MAGI2: variants seen among roughly 807,000 people sequenced by gnomAD.
MAGI2 encodes the protein membrane-associated guanylate kinase, WW and PDZ domain-containing protein 2.
MAGI2 carries 35 observed loss-of-function variants against 133.3 expected under a neutral mutation model. The ratio of observed to expected loss-of-function variants is 0.26; its 90% confidence interval spans 0.20 to 0.35. The LOEUF is 0.35. Among genes scored for constraint, MAGI2 ranks in the 10% least tolerant of loss-of-function variants. The probability of loss-of-function intolerance (pLI) is 1.00; values close to 1 mark genes in which losing one functional copy is unlikely to be tolerated. For synonymous variants in MAGI2, 729 were observed against 710.6 expected, an observed-to-expected ratio of 1.03 and a Z score of -0.41; for missense variants, 1,636 against 1,863.4, an observed-to-expected ratio of 0.88 and a Z score of 2.25.
At chr7:78,255,868 G>T in intron 10 of MAGI2, 75 bp downstream of exon 10, 1 of 1,401,202 alleles carries the variant, frequency 7.1e-7, no homozygotes, top group Non-Finnish European at 9.9e-7. Context: ...AAGGAAATCT[G>T]CATTTTAACA....
At chr7:78,316,889 T>C (rs1025706120) in intron 9 of MAGI2, among the ~76,000 whole-genome samples, 1 of 152,190 alleles carries the variant, frequency 6.6e-6, no homozygotes, top group Admixed American at 6.5e-5. Flanking sequence ...GCCAAGTGTT[T>C]TTTTCTCTTT....
chr7:79,434,928 T>A (rs1018946411), intron 1 of MAGI2, among the ~76,000 whole-genome samples: 18 of 152,162 alleles, frequency 1.2e-4, no homozygotes, highest in African/African-American at 4.3e-4. Context: ...ATGACCTACT[T>A]CAAAAAAGGG....
At chr7:78,059,776 TA>T (rs201385756) in intron 21 of MAGI2, among the ~76,000 whole-genome samples, 97 of 71,194 alleles carry the variant, frequency 1.4e-3, no homozygotes, top group African/African-American at 5.3e-3. Context: ...TATATATATA[TA>T]TTTTTTTTCT....
rs1486837907 is a variant in MAGI2, at chr7:78,017,991, G to A, written c.*1324C>T. On this transcript the variant is annotated 3_prime_UTR_variant, in exon 22 of 22. Coordinates refer to ENST00000354212, the MANE Select transcript of MAGI2 (RefSeq NM_012301.4). Reference sequence around the variant, plus strand: ...CTTTTAATATGTGTAGCTACAGTAAGTACCAATGGCTAATTAATTGAAGCT... The same window carrying A: ...CTTTTAATATGTGTAGCTACAGTAAATACCAATGGCTAATTAATTGAAGCT... 1 of 152,194 alleles carries A rather than the reference G, an allele frequency of 6.6e-6. No individual in the cohort carries two copies. Among genetic ancestry groups the A allele is most frequent in the East Asian group, 1.9e-4 (1 of 5,198 alleles). The allele number at this position is 152,194 out of a possible 1,614,324, so 9.4% of individuals were successfully genotyped here. A position where few individuals can be genotyped will look rare whatever the true frequency, so the allele number is the denominator to read the frequency against.
intron 2 of MAGI2, among the ~76,000 whole-genome samples, chr7:78,727,321 C>T (rs929124617): frequency 6.6e-6 from 1 of 152,174 alleles, no homozygotes; most frequent in Admixed American, 6.5e-5. Flanking sequence ...TCTTATGTTG[C>T]AGCAATTACC....
chr7:78,341,625 A>C (rs926191222), intron 9 of MAGI2, among the ~76,000 whole-genome samples: 3 of 151,650 alleles, frequency 2.0e-5, no homozygotes, highest in Non-Finnish European at 4.4e-5. Flanking sequence ...AGGCCAATGG[A>C]ACAGAACAGA....
chr7:78,292,358 T>C (rs937354997), intron 9 of MAGI2, among the ~76,000 whole-genome samples: 3 of 152,106 alleles, frequency 2.0e-5, no homozygotes, highest in African/African-American at 4.8e-5. Flanking sequence ...ATAAAATACC[T>C]AGGAATCCAA....
chr7:78,274,410 AG>A (rs1199648954), intron 9 of MAGI2, among the ~76,000 whole-genome samples: 1 of 152,164 alleles, frequency 6.6e-6, no homozygotes, highest in African/African-American at 2.4e-5. Context: ...CAGGATACAC[AG>A]GGGTCAGGGA....
At chr7:78,343,198 C>T (rs1790570849) in intron 9 of MAGI2, among the ~76,000 whole-genome samples, 1 of 152,078 alleles carries the variant, frequency 6.6e-6, no homozygotes, top group Admixed American at 6.6e-5. Context: ...TAGCAATTTG[C>T]CTCTGTATTT....
intron 6 of MAGI2, among the ~76,000 whole-genome samples, chr7:78,467,773 G>A (rs575659491): frequency 7.9e-5 from 12 of 152,150 alleles, no homozygotes; most frequent in African/African-American, 2.9e-4. Context: ...ATTTTTAATA[G>A]CAGAACATTA....
At chr7:79,250,917 AC>A (rs1417571799) in intron 1 of MAGI2, among the ~76,000 whole-genome samples, 5 of 152,160 alleles carry the variant, frequency 3.3e-5, no homozygotes, top group Admixed American at 2.0e-4. Context: ...ACAATAGAGA[AC>A]CCAGAAACAA....
At chr7:78,846,166 G>A (rs1476191777) in intron 2 of MAGI2, among the ~76,000 whole-genome samples, 3 of 151,710 alleles carry the variant, frequency 2.0e-5, no homozygotes, top group East Asian at 3.9e-4. Flanking sequence ...ACATGGGGAA[G>A]TAATGTCAAT....
chr7:78,159,312 A>G (rs62461237), intron 16 of MAGI2, among the ~76,000 whole-genome samples: 20,814 of 152,042 alleles, frequency 0.14, 1,487 homozygotes, highest in East Asian at 0.17. Flanking sequence ...TTCTGACTAT[A>G]TCTCATGCTT....
intron 1 of MAGI2, among the ~76,000 whole-genome samples, chr7:79,405,071 C>T (rs555266515): frequency 2.0e-5 from 3 of 152,068 alleles, no homozygotes; most frequent in Admixed American, 6.6e-5. Context: ...GGTCATATTC[C>T]AGCATGAATC....
Position 79,453,506 on chromosome 7 carries a change from A to C in MAGI2, c.-186T>G, listed in dbSNP as rs558830097. ...GTGGACGAGGAATGGGGAGGATGAG[A>C]GGGACGGCTGGGCAGAGGTAGGAGA... On this transcript the variant is annotated 5_prime_UTR_variant, in exon 1 of 22. Transcript: ENST00000354212. 5.7e-6 allele frequency: 8 copies of C among 1,402,328 alleles called. No individual in the cohort carries two copies. In the African/African-American group the frequency reaches 8.7e-5, roughly 15 times the overall value. The allele number at this position is 1,402,328 out of a possible 1,614,324, so 86.9% of individuals were successfully genotyped here. A position where few individuals can be genotyped will look rare whatever the true frequency, so the allele number is the denominator to read the frequency against.
intron 1 of MAGI2, among the ~76,000 whole-genome samples, chr7:79,214,401 CTCTCTCTATATATATATATATA>C: frequency 1.8e-5 from 1 of 56,082 alleles, no homozygotes; most frequent in East Asian, 6.2e-4. Context: ...CTCTCTCTCT[CTCTCTCTATATATATATATATA>C]TATATATATA....
chr7:79,045,927 C>T (rs1416408445), intron 1 of MAGI2, among the ~76,000 whole-genome samples: 3 of 152,128 alleles, frequency 2.0e-5, no homozygotes, highest in African/African-American at 7.2e-5. Flanking sequence ...GATAAAATAA[C>T]ATAAAACAAT....
chr7:78,191,605 C>T, intron 12 of MAGI2, among the ~76,000 whole-genome samples: 1 of 152,172 alleles, frequency 6.6e-6, no homozygotes, highest in African/African-American at 2.4e-5. Context: ...CTGGAGTTGC[C>T]ACCTCTGGGC....
At chr7:78,568,602 A>G (rs750149028) in intron 3 of MAGI2, among the ~76,000 whole-genome samples, 5 of 152,088 alleles carry the variant, frequency 3.3e-5, no homozygotes, top group African/African-American at 4.8e-5. Flanking sequence ...ACCTATGACC[A>G]CTTCTCAGTG....
Sources: allele counts gnomAD v4.1 joint callset (sites outside exome capture counted in the v4.1 genomes callset), GRCh38; gene constraint gnomAD v4.1.1; transcripts MANE v1.5; gene names NCBI Gene and HGNC (gene_info 2026-07-23, HGNC 2026-07-21).